CYP24A1: variants seen among roughly 807,000 people sequenced by gnomAD.
CYP24A1 encodes the protein cytochrome P450 family 24 subfamily A member 1.
A neutral mutation model predicts 62.4 loss-of-function variants in CYP24A1; 68 were observed. That is an observed-to-expected ratio of 1.09 (90% CI 0.90 to 1.33). The LOEUF (loss-of-function observed/expected upper bound fraction) is 1.33, where lower values mean the gene tolerates loss of function less well. CYP24A1 is among the 40% of genes most tolerant of loss of function. The pLI is 0.00. For synonymous variants in CYP24A1, 267 were observed against 253.0 expected (o/e 1.06, Z -0.52); for missense variants, 787 against 653.0 (o/e 1.21, Z -2.24).
intron 4 of CYP24A1, among the ~76,000 whole-genome samples, chr20:54,168,813 TCCCTC>T (rs2092682472): frequency 1.7e-5 from 1 of 60,330 alleles, no homozygotes; most frequent in Non-Finnish European, 3.1e-5. Context: ...CCTCCCTCCC[TCCCTC>T]CTTCCTTCCT....
In CYP24A1 at chr20:54,157,473, A is replaced by G; in HGVS notation, c.1349T>C (p.Phe450Ser). Reference protein sequence around the residue: ...WLQEKEKINPFAHLPFGVGKR... With the variant: ...WLQEKEKINPSAHLPFGVGKR... ...TCCAACGCCAAATGGAAGATGCGCAAAAGGATTAATTTTTTCCTTCTCCTG... is the reference window on the plus strand; with the variant it reads ...TCCAACGCCAAATGGAAGATGCGCAGAAGGATTAATTTTTTCCTTCTCCTG... The change falls in exon 10 of 12, where the codon TTT becomes TCT. Residue 450 changes from phenylalanine (F) to serine (S), a missense_variant. Physicochemically the swap from Phe to Ser is radical, Grantham distance 155. Transcript: ENST00000216862. 1 of 1,602,086 alleles carries G rather than the reference A, an allele frequency of 6.2e-7. No individual in the cohort carries two copies. Among genetic ancestry groups the G allele is most frequent in the East Asian group, 2.2e-5 (1 of 44,846 alleles).
At chr20:54,168,012 C>T (rs184327650) in intron 4 of CYP24A1, among the ~76,000 whole-genome samples, 2 of 152,302 alleles carry the variant, frequency 1.3e-5, no homozygotes, top group Non-Finnish European at 2.9e-5. Flanking sequence ...GCTGCTGGCC[C>T]TCTGCCAGCC....
chr20:54,162,959 C>A, intron 6 of CYP24A1, 97 bp from the exon 7 acceptor site: 1 of 772,800 alleles, frequency 1.3e-6, no homozygotes, highest in Non-Finnish European at 2.4e-6. Context: ...CTTGCAATAT[C>A]TAAATAGTCT....
rs1376949811 is a variant in CYP24A1 at position 54,161,619 on chromosome 20, A to G, written c.990+1098T>C. On this transcript the variant is annotated intron_variant, in intron 7 of 11. Transcript: ENST00000216862. ...CCAAGTACTGTTCTATGTCCTGGAAACACAGCAGTGGACAACTCTAAGCCA... is the reference window on the plus strand; with the variant it reads ...CCAAGTACTGTTCTATGTCCTGGAAGCACAGCAGTGGACAACTCTAAGCCA... 2.6e-5 allele frequency among the ~76,000 whole-genome samples: 4 copies of G among 152,026 alleles called. No individual in the cohort carries two copies. The South Asian group carries it at 8.3e-4, about 32-fold the overall frequency.
In CYP24A1 at chr20:54,173,567, T is replaced by G; in HGVS notation, c.13A>C (p.Ile5Leu). 6.3e-7 allele frequency: 1 copy of G among 1,577,718 alleles called. No homozygotes were observed. Among genetic ancestry groups the G allele is most frequent in the Non-Finnish European group, 8.6e-7 (1 of 1,167,112 alleles). Residue 5 changes from isoleucine to leucine, a missense_variant, in exon 1 of 12, where the codon ATC becomes CTC. Physicochemically the swap from Ile to Leu is conservative, Grantham distance 5. Coordinates refer to ENST00000216862, the MANE Select transcript of CYP24A1 (RefSeq NM_000782.5). The surrounding 1 kb of genome is among the most constrained non-coding windows in gnomAD (Gnocchi z 7.2). MSSP[I>L]SKSRSLAAFL... ...GCGGCAAGCGAGCGGCTCTTGCTGA[T>G]GGGGGAGCTCATGGCAGCGGGGGAC...
chr20:54,168,889 T>TCCTTCCTTCCTTCCTTCCTC (rs2092683913), intron 4 of CYP24A1, among the ~76,000 whole-genome samples: 1 of 132,912 alleles, frequency 7.5e-6, no homozygotes, highest in African/African-American at 2.9e-5. Context: ...CTTCCTTCCT[T>TCCTTCCTTCCTTCCTTCCTC]CCTTTCTCTG....
Position 54,157,276 on chromosome 20 carries a change from T to C in CYP24A1, c.1448A>G (p.Tyr483Cys). The C allele has an allele frequency of 6.2e-7, 1 of 1,608,794 alleles. No homozygotes were observed. Residue 483 changes from tyrosine (Y) to cysteine (C), a missense_variant, in exon 11 of 12, where the codon TAC (tyrosine) becomes TGC (cysteine). Transcript: ENST00000216862. ...HLALCWIVRK[Y>C]DIQATDNEPV... ...CTCATTGTCTGTGGCCTGGATGTCG[T>C]ATTTGCGGACAATCTGTAATGCACA...
chr20:54,156,513 C>A (rs980584955), intron 11 of CYP24A1, among the ~76,000 whole-genome samples: 6 of 152,154 alleles, frequency 3.9e-5, no homozygotes, highest in African/African-American at 1.4e-4. Flanking sequence ...AGTCCTGTAA[C>A]CATGAAGAAC....
chr20:54,157,275 G>C lies in CYP24A1; in HGVS notation c.1449C>G (p.Tyr483Ter). 6.2e-7 allele frequency: 1 copy of C among 1,607,964 alleles called. No individual in the cohort carries two copies. The highest frequency in any genetic ancestry group is 2.2e-5 in the East Asian group (1 of 44,856). ...HLALCWIVRK[Y>*]DIQATDNEPV... ...GCTCATTGTCTGTGGCCTGGATGTC[G>C]TATTTGCGGACAATCTGTAATGCAC... is the stretch of plus-strand genomic sequence containing the variant. Residue 483 changes from tyrosine to a stop codon, truncating the protein, a stop_gained, in exon 11 of 12, where the codon TAC (tyrosine) becomes TAG (stop). Transcript: ENST00000216862. LOFTEE classifies it high-confidence loss of function.
At chr20:54,157,958 A>G in intron 9 of CYP24A1, 128 bp downstream of exon 9, 2 of 1,482,216 alleles carry the variant, frequency 1.3e-6, no homozygotes, top group South Asian at 2.5e-5. Context: ...CATGTCAACT[A>G]TTCTCTACCA....
chr20:54,169,973 A>T lies in CYP24A1; in HGVS notation c.544-285T>A, dbSNP rs573076599. Among the ~76,000 whole-genome samples, 98 of 151,044 alleles carry T rather than the reference A, an allele frequency of 6.5e-4. No individual in the cohort carries two copies. The South Asian group carries it at 9.4e-3, about 14-fold the overall frequency. On this transcript the variant is annotated intron_variant, in intron 3 of 11. Coordinates refer to ENST00000216862, the MANE Select transcript of CYP24A1 (RefSeq NM_000782.5). ...TCTGGCAATTTAAGAAAAGGAAAAC[A>T]TTTTTTTTTTCTAATCAGAATGGGG...
the CYP24A1 span, among the ~76,000 whole-genome samples, chr20:54,145,984 A>G: frequency 6.6e-6 from 1 of 152,260 alleles, no homozygotes; most frequent in Admixed American, 6.5e-5. Context: ...TTAGCAGAAG[A>G]TAATTGCAAA....
At chr20:54,158,430 TA>T (rs1270782371) in intron 8 of CYP24A1, among the ~76,000 whole-genome samples, 1 of 152,220 alleles carries the variant, frequency 6.6e-6, no homozygotes, top group Non-Finnish European at 1.5e-5. Flanking sequence ...CATTCCAGAC[TA>T]AAATGTGTAT....
At position 54,172,775 on chromosome 20, in the gene CYP24A1, A is replaced by T. The variant is rs2092698256; in HGVS notation, c.449+134T>A. 5.2e-6 allele frequency: 8 copies of T among 1,539,882 alleles called. No individual in the cohort carries two copies. In the South Asian group the frequency reaches 8.3e-5, roughly 16 times the overall value. On this transcript the variant is annotated intron_variant, in intron 2 of 11. Coordinates refer to ENST00000216862, the MANE Select transcript of CYP24A1 (RefSeq NM_000782.5). The stretch of plus-strand genomic sequence containing the variant: ...GCTCAGGGTTGCGATGGCACGGGAG[A>T]GGGGCTTTGGTATCCGCCCTACGTA...
chr20:54,162,693 A>T, intron 7 of CYP24A1, 24 bp downstream of exon 7: 1 of 1,499,396 alleles, frequency 6.7e-7, no homozygotes, highest in Non-Finnish European at 9.3e-7. Context: ...TCATTTAGCA[A>T]ACTCAAATCC....
In CYP24A1 at chr20:54,171,570, T is replaced by C. The variant is rs1195731860; in HGVS notation, c.543+7A>G. 2 of 1,613,942 alleles carry C rather than the reference T, an allele frequency of 1.2e-6. No homozygotes were observed. Among genetic ancestry groups the C allele is most frequent in the Non-Finnish European group, 1.7e-6 (2 of 1,179,858 alleles). On this transcript the variant is annotated splice_region_variant and intron_variant, in intron 3 of 11. Coordinates refer to ENST00000216862, the MANE Select transcript of CYP24A1 (RefSeq NM_000782.5). ...AGCCCCAGGAAAGCTGGCCCCAGCC[T>C]GCAGACCTCATTGATTTTGTTGTCC...
the CYP24A1 span, among the ~76,000 whole-genome samples, chr20:54,144,615 C>A: frequency 6.0e-5 from 9 of 149,622 alleles, no homozygotes; most frequent in Non-Finnish European, 1.5e-5. Context: ...ACATTATCAA[C>A]TGTTAATTAT....
chr20:54,144,578 T>G, the CYP24A1 span, among the ~76,000 whole-genome samples: 2 of 151,022 alleles, frequency 1.3e-5, no homozygotes, highest in African/African-American at 4.9e-5. Flanking sequence ...TTTGTTATAT[T>G]ACCATATATA....
chr20:54,164,635 G>A lies in CYP24A1; in HGVS notation c.733-72C>T. The A allele has an allele frequency of 2.5e-6, 4 of 1,612,150 alleles. No homozygotes were observed. The South Asian group carries it at 3.3e-5, about 13-fold the overall frequency. On this transcript the variant is annotated intron_variant, in intron 5 of 11. Coordinates refer to ENST00000216862, the MANE Select transcript of CYP24A1 (RefSeq NM_000782.5). ...AAAGACAATGTTCGTTCTGGAAGAG[G>A]AACATTCTAAACCGCAGCACCCTGC...
Sources: gnomAD v4.1 joint callset for allele counts (sites outside exome capture counted in the v4.1 genomes callset) on GRCh38, gnomAD v4.1.1 for gene constraint, Gnocchi (gnomAD v3.1) non-coding constraint, MANE v1.5 for transcripts, NCBI Gene and HGNC (gene_info 2026-07-23, HGNC 2026-07-21) for gene names.